Variants in PCDHGB3 observed in about 807,000 individuals in gnomAD.
PCDHGB3 encodes the protein protocadherin gamma-B3.
A neutral mutation model predicts 59.2 loss-of-function variants in PCDHGB3; 40 were observed. That is an observed-to-expected ratio of 0.68 (90% confidence interval 0.52 to 0.88). The LOEUF (loss-of-function observed/expected upper bound fraction) is 0.88. Ranked by LOEUF, PCDHGB3 falls within the 40% of genes least tolerant of loss-of-function variation. The pLI is 0.00. For synonymous variants in PCDHGB3, 581 were observed against 503.6 expected, an observed-to-expected ratio of 1.15 and a Z score of -2.06; for missense variants, 1,309 against 1,187.9, an observed-to-expected ratio of 1.10 and a Z score of -1.50.
At position 141,370,278 on chromosome 5, in the gene PCDHGB3, A is replaced by G; in HGVS notation, c.-117A>G. 2.3e-6 allele frequency: 2 copies of G among 888,588 alleles called. No individual in the cohort carries two copies. The highest frequency in any genetic ancestry group is 3.4e-6 in the Non-Finnish European group (2 of 595,828). The allele number at this position is 888,588 out of a possible 1,614,324, so 55.0% of individuals were successfully genotyped here. A position where few individuals can be genotyped will look rare whatever the true frequency, so the allele number is the denominator to read the frequency against. On this transcript the variant is annotated 5_prime_UTR_variant, in exon 1 of 4. Coordinates refer to ENST00000576222, the MANE Select transcript of PCDHGB3 (RefSeq NM_018924.5). ...CAGGCTTCCTGCAGCGGAGACACCC[A>G]TTAGAGAACCCAAGCACAAAGACAA...
rs112808093 is a variant in PCDHGB3, at chr5:141,489,579, C to T, written c.2416-5228C>T. On this transcript the variant is annotated intron_variant, in intron 1 of 3. Transcript: ENST00000576222. The surrounding 1 kb of genome is among the most constrained non-coding windows in gnomAD (Gnocchi z 4.5). ...CAGTGCAGGTGGTGACTGAACACCC[C>T]CTGGAGCTAATCCGTGTAGAGGTAG... is the stretch of plus-strand genomic sequence containing the variant. 211 of 1,614,038 alleles carry T rather than the reference C, an allele frequency of 1.3e-4. 1 individual carries two copies. In the African/African-American group the frequency reaches 1.7e-3, roughly 13 times the overall value.
intron 1 of PCDHGB3, chr5:141,376,063 C>T (rs1392618102): frequency 1.9e-6 from 3 of 1,613,444 alleles, no homozygotes; most frequent in Non-Finnish European, 2.5e-6. Context: ...CTGTCACGCT[C>T]ACCGTGGCCG....
intron 1 of PCDHGB3, chr5:141,427,712 C>A: frequency 9.5e-7 from 1 of 1,051,464 alleles, no homozygotes; most frequent in Non-Finnish European, 1.4e-6. Context: ...GCGCCTCTGA[C>A]CTGGACCTAG....
Position 141,505,350 on chromosome 5 carries a change from G to A in PCDHGB3, c.2475-43G>A, listed in dbSNP as rs367663588. ...AGAGGACAGGAGGGGCATGAGCTGT[G>A]CCGGCCTGGGAGTCTGTGCTCACCA... On this transcript the variant is annotated intron_variant, in intron 2 of 3. Transcript: ENST00000576222. The A allele has an allele frequency of 4.3e-6, 7 of 1,613,264 alleles. No homozygotes were observed. In the African/African-American group the frequency reaches 6.7e-5, roughly 15 times the overall value.
intron 1 of PCDHGB3, chr5:141,392,398 C>T (rs926356717): frequency 1.3e-5 from 2 of 155,550 alleles, no homozygotes; most frequent in African/African-American, 4.8e-5. Context: ...CATTTAATAA[C>T]ACTAAATAAA....
intron 1 of PCDHGB3, among the ~76,000 whole-genome samples, chr5:141,456,969 A>G (rs2098901241): frequency 1.4e-5 from 2 of 147,268 alleles, no homozygotes; most frequent in Non-Finnish European, 3.1e-5. Flanking sequence ...TCTCAAAACA[A>G]AACAAACAAA....
chr5:141,389,166 C>G (rs1340986620), intron 1 of PCDHGB3: 1 of 1,613,988 alleles, frequency 6.2e-7, no homozygotes, highest in Non-Finnish European at 8.5e-7. Context: ...TCGGGGCAAG[C>G]CTCCCCTCTC....
rs767038146 is a variant in PCDHGB3 at position 141,371,745 on chromosome 5, G to A, written c.1351G>A (p.Val451Ile). 2.5e-6 allele frequency: 4 copies of A among 1,613,884 alleles called. No individual in the cohort carries two copies. Among genetic ancestry groups the A allele is most frequent in the Middle Eastern group, 1.6e-4 (1 of 6,084 alleles). Residue 451 changes from valine to isoleucine, a missense_variant, in exon 1 of 4, where the codon GTT becomes ATT. Coordinates refer to ENST00000576222, the MANE Select transcript of PCDHGB3 (RefSeq NM_018924.5). Reference sequence around the variant, plus strand: ...CCTTGATGTCAACGACAACGTTCCCGTTTTCCACCAGGCCTCCTACACCGT... The same window carrying A: ...CCTTGATGTCAACGACAACGTTCCCATTTTCCACCAGGCCTCCTACACCGT... ...HILDVNDNVP[V>I]FHQASYTVHV...
intron 2 of PCDHGB3, among the ~76,000 whole-genome samples, chr5:141,496,991 G>T (rs1164558685): frequency 6.6e-6 from 1 of 151,902 alleles, no homozygotes; most frequent in African/African-American, 2.4e-5. Context: ...TTTGAGACCA[G>T]CCTGGCAGCC....
chr5:141,376,483 G>C (rs139873493), intron 1 of PCDHGB3: 3 of 1,614,058 alleles, frequency 1.9e-6, no homozygotes, highest in East Asian at 2.2e-5. Context: ...TACTTGAAAC[G>C]AAAGGAGAAC....
intron 1 of PCDHGB3, among the ~76,000 whole-genome samples, chr5:141,467,372 T>C (rs1006663543): frequency 2.0e-5 from 3 of 152,072 alleles, no homozygotes; most frequent in African/African-American, 7.2e-5. Flanking sequence ...TTTTCTTATA[T>C]TGCATTTAGG....
intron 1 of PCDHGB3, among the ~76,000 whole-genome samples, chr5:141,430,066 G>C (rs550834063): frequency 6.6e-6 from 1 of 151,984 alleles, no homozygotes; most frequent in Non-Finnish European, 1.5e-5. Flanking sequence ...TCATTTTTAG[G>C]TTTCCATAAT....
chr5:141,476,421 C>G lies in PCDHGB3; in HGVS notation c.2416-18386C>G. 1 of 1,614,026 alleles carries G rather than the reference C, an allele frequency of 6.2e-7. No homozygotes were observed. Among genetic ancestry groups the G allele is most frequent in the South Asian group, 1.1e-5 (1 of 91,066 alleles). On this transcript the variant is annotated intron_variant, in intron 1 of 3. Transcript: ENST00000576222. The surrounding 1 kb of genome is among the most constrained non-coding windows in gnomAD (Gnocchi z 7.6). ...CGAGAGGAGCTGTGTGGGACACTGC[C>G]CTCTTGCACTGTAACTCTGGAGTTG...
chr5:141,492,464 C>G (rs1595116794), intron 1 of PCDHGB3, among the ~76,000 whole-genome samples: 1 of 152,354 alleles, frequency 6.6e-6, no homozygotes, highest in Non-Finnish European at 1.5e-5. Context: ...GCCTGAGGGT[C>G]CCAGATCGCG....
At chr5:141,415,445 A>G (rs1225407576) in intron 1 of PCDHGB3, 7 of 1,614,202 alleles carry the variant, frequency 4.3e-6, no homozygotes, top group South Asian at 1.1e-5. Flanking sequence ...CTGCAGACCT[A>G]TTCCCACGAG....
At chr5:141,481,240 T>G (rs1323124277) in intron 1 of PCDHGB3, among the ~76,000 whole-genome samples, 1 of 152,208 alleles carries the variant, frequency 6.6e-6, no homozygotes, top group Non-Finnish European at 1.5e-5. Flanking sequence ...AAGTATTACA[T>G]AGCATAGCTC....
rs759439765 is a variant in PCDHGB3 at position 141,478,199 on chromosome 5, C to A, written c.2416-16608C>A. ...GAAAAAAAATCTCACCTTTTATCTA[C>A]TTCTTTCTCTAATCCTGGTTTCTGT... On this transcript the variant is annotated intron_variant, in intron 1 of 3. Coordinates refer to ENST00000576222, the MANE Select transcript of PCDHGB3 (RefSeq NM_018924.5). The A allele has an allele frequency of 3.8e-5, 62 of 1,613,938 alleles. No homozygotes were observed. Among genetic ancestry groups the A allele is most frequent in the Non-Finnish European group, 5.0e-5 (59 of 1,180,046 alleles).
chr5:141,430,910 G>A lies in PCDHGB3; in HGVS notation c.2415+58101G>A. The A allele has an allele frequency of 6.2e-7, 1 of 1,608,040 alleles. No homozygotes were observed. The highest frequency in any genetic ancestry group is 8.5e-7 in the Non-Finnish European group (1 of 1,177,584). On this transcript the variant is annotated intron_variant, in intron 1 of 3. Coordinates refer to ENST00000576222, the MANE Select transcript of PCDHGB3 (RefSeq NM_018924.5). ...CTCTAGGGTGGGCGACATCTCCAGG[G>A]ACCTGGGGCTGGAGCCCCGGGAGCT...
In PCDHGB3 at chr5:141,495,640, G is replaced by A. The variant is rs149177775; in HGVS notation, c.2474+775G>A. 1.2e-3 allele frequency among the ~76,000 whole-genome samples: 177 copies of A among 152,150 alleles called. 1 individual carries two copies. The highest frequency in any genetic ancestry group is 4.1e-3 in the African/African-American group (171 of 41,498). ...ACCTCAGCCTCAGTCCCTTTCATTT[G>A]TCTACTTGCATTGATCTGTGCCGCC... On this transcript the variant is annotated intron_variant, in intron 2 of 3. Transcript: ENST00000576222.
Sources: allele counts gnomAD v4.1 joint callset (sites outside exome capture counted in the v4.1 genomes callset), GRCh38; gene constraint gnomAD v4.1.1; non-coding constraint Gnocchi (gnomAD v3.1); transcripts MANE v1.5; gene names NCBI Gene and HGNC (gene_info 2026-07-23, HGNC 2026-07-21).